Variants in ALKBH8 observed in about 807,000 individuals in gnomAD.
ALKBH8 encodes the protein alkB homolog 8, tRNA methyltransferase.
ALKBH8 carries 36 observed loss-of-function variants against 59.8 expected under a neutral mutation model. The ratio of observed to expected loss-of-function variants is 0.60; its 90% CI spans 0.46 to 0.79. ALKBH8 has a LOEUF of 0.79. Among genes scored for constraint, ALKBH8 ranks in the 30% least tolerant of loss-of-function variants. ALKBH8 has a pLI of 0.00. For missense variants in ALKBH8, 768 were observed against 801.0 expected (o/e 0.96, Z 0.50); for synonymous variants, 276 against 273.6 (o/e 1.01, Z -0.09).
In ALKBH8 at chr11:107,504,966, A is replaced by C. The variant is rs1335869633; in HGVS notation, c.1687T>G (p.Ser563Ala). The C allele has an allele frequency of 3.9e-6, 6 of 1,551,728 alleles. No individual in the cohort carries two copies. Among genetic ancestry groups the C allele is most frequent in the Non-Finnish European group, 5.2e-6 (6 of 1,146,944 alleles). ...SASSVPRIND[S>A]QEGGCNSRQV... Reference sequence around the variant, plus strand: ...CTTGAATTACATCCTCCTTCCTGAGAGTCATTAATGCGGGGGACAGAAGAT... The same window carrying C: ...CTTGAATTACATCCTCCTTCCTGAGCGTCATTAATGCGGGGGACAGAAGAT... The change falls in exon 12 of 12, where the codon TCT becomes GCT. Residue 563 changes from serine (S) to alanine (A), a missense_variant. Physicochemically the swap from Ser to Ala is moderately conservative, Grantham distance 99. Transcript: ENST00000428149.
chr11:107,506,710 T>C (rs1418828763), intron 11 of ALKBH8, among the ~76,000 whole-genome samples: 1 of 152,048 alleles, frequency 6.6e-6, no homozygotes, highest in Non-Finnish European at 1.5e-5. Flanking sequence ...CTACTAAAAA[T>C]ATAATTTGTA....
chr11:107,560,986 T>C, intron 1 of ALKBH8, 87 bp from the exon 2 acceptor site: 1 of 1,219,062 alleles, frequency 8.2e-7, no homozygotes, highest in Non-Finnish European at 1.1e-6. Context: ...TTCTATAGTT[T>C]ATCAATATTT....
In ALKBH8 at chr11:107,522,342, C is replaced by A; in HGVS notation, c.1244G>T (p.Cys415Phe). 12 of 1,551,664 alleles carry A rather than the reference C, an allele frequency of 7.7e-6. No homozygotes were observed. The highest frequency in any genetic ancestry group is 1.0e-5 in the Non-Finnish European group (12 of 1,146,966). Residue 415 changes from cysteine (C) to phenylalanine (F), a missense_variant, in exon 10 of 12, where the codon TGT becomes TTT. Transcript: ENST00000428149. ...PSGSIVADIG[C>F]GNGKYLGINK... is the part of the protein sequence containing the mutation. ...GATGCCAAGATACTTTCCATTACCA[C>A]ATCCAATATCAGCCACTATTGAACC...
At chr11:107,534,336 C>T (rs1216446283) in intron 7 of ALKBH8, among the ~76,000 whole-genome samples, 4 of 152,166 alleles carry the variant, frequency 2.6e-5, no homozygotes, top group African/African-American at 9.6e-5. Flanking sequence ...CCCAGATATC[C>T]AGATGAAAAC....
intron 7 of ALKBH8, among the ~76,000 whole-genome samples, chr11:107,533,538 G>A (rs1863683027): frequency 6.6e-6 from 1 of 152,140 alleles, no homozygotes; most frequent in South Asian, 2.1e-4. Flanking sequence ...TCATGTGATA[G>A]AGTTTAATTT....
intron 10 of ALKBH8, among the ~76,000 whole-genome samples, chr11:107,521,155 C>A (rs1357968510): frequency 4.6e-5 from 7 of 152,090 alleles, no homozygotes; most frequent in Non-Finnish European, 1.0e-4. Context: ...TACCAAGGGA[C>A]TAATATACTT....
chr11:107,535,855 G>A lies in ALKBH8; in HGVS notation c.772-3449C>T, dbSNP rs149888434. On this transcript the variant is annotated intron_variant, in intron 7 of 11. Coordinates refer to ENST00000428149, the MANE Select transcript of ALKBH8 (RefSeq NM_138775.3). ...ACCACTGAGTGAGTGAGGGTACACT[G>A]ACAGCCTAGAGGGTCCTCCAGAACT... Among the ~76,000 whole-genome samples the A allele has an allele frequency of 4.9e-3, 747 of 152,020 alleles. 25 individuals are homozygous for A. The highest frequency in any genetic ancestry group is 0.017 in the East Asian group (87 of 5,144).
chr11:107,524,185 A>G (rs1863253270), intron 9 of ALKBH8, among the ~76,000 whole-genome samples: 1 of 151,944 alleles, frequency 6.6e-6, no homozygotes, highest in African/African-American at 2.4e-5. Context: ...CAGCTTTCCT[A>G]GTAACTAGGA....
At chr11:107,549,918 C>A in intron 6 of ALKBH8, 95 bp from the exon 7 acceptor site, 1 of 852,046 alleles carries the variant, frequency 1.2e-6, no homozygotes, top group Non-Finnish European at 1.8e-6. Context: ...AAGGTGAAAA[C>A]ATTGCTTGGT....
intron 7 of ALKBH8, among the ~76,000 whole-genome samples, chr11:107,540,919 G>T (rs575587010): frequency 6.6e-6 from 1 of 152,138 alleles, no homozygotes; most frequent in Non-Finnish European, 1.5e-5. Flanking sequence ...CATAAATAAT[G>T]TATTTTTACA....
At chr11:107,540,405 G>A (rs1863987958) in intron 7 of ALKBH8, among the ~76,000 whole-genome samples, 1 of 152,102 alleles carries the variant, frequency 6.6e-6, no homozygotes, top group Non-Finnish European at 1.5e-5. Flanking sequence ...GTCTAGCTAA[G>A]CTCAAGTGTA....
chr11:107,532,449 A>T, intron 7 of ALKBH8, 43 bp from the exon 8 acceptor site: 1 of 1,443,210 alleles, frequency 6.9e-7, no homozygotes, highest in Non-Finnish European at 9.7e-7. Flanking sequence ...CCAAAATTTC[A>T]TATACTCCAA....
At chr11:107,506,095 G>C (rs1263058323) in intron 11 of ALKBH8, among the ~76,000 whole-genome samples, 1 of 152,160 alleles carries the variant, frequency 6.6e-6, no homozygotes, top group Non-Finnish European at 1.5e-5. Flanking sequence ...TAGAGAGACA[G>C]ACATTGGAAT....
chr11:107,507,336 A>G (rs888086677), intron 11 of ALKBH8, among the ~76,000 whole-genome samples: 3 of 152,188 alleles, frequency 2.0e-5, no homozygotes, highest in African/African-American at 7.2e-5. Flanking sequence ...ATCTCAGGTT[A>G]TATGTTAAAA....
At position 107,502,739 on chromosome 11, in the gene ALKBH8, T is replaced by C. The variant is rs868655895; in HGVS notation, c.*1919A>G. On this transcript the variant is annotated 3_prime_UTR_variant, in exon 12 of 12. Transcript: ENST00000428149. Reference sequence around the variant, plus strand: ...AGACCAAAAAAAGTCAGTAAGAATATAGATTTTTATTATACAATTAACAAA... The same window carrying C: ...AGACCAAAAAAAGTCAGTAAGAATACAGATTTTTATTATACAATTAACAAA... The C allele has an allele frequency of 2.0e-5, 3 of 152,198 alleles. No homozygotes were observed. The highest frequency in any genetic ancestry group is 2.9e-5 in the Non-Finnish European group (2 of 68,030). The allele number at this position is 152,198 out of a possible 1,614,324, so 9.4% of individuals were successfully genotyped here.
chr11:107,510,138 G>A (rs981961534), intron 11 of ALKBH8, among the ~76,000 whole-genome samples: 14 of 152,032 alleles, frequency 9.2e-5, no homozygotes, highest in Non-Finnish European at 2.9e-5. Flanking sequence ...GACTAAAGAC[G>A]CAGACAGTTT....
intron 10 of ALKBH8, among the ~76,000 whole-genome samples, chr11:107,513,244 A>G (rs1862715152): frequency 6.6e-6 from 1 of 152,232 alleles, no homozygotes; most frequent in Non-Finnish European, 1.5e-5. Flanking sequence ...GGCAAAGGAC[A>G]TGAACAGATA....
rs370098051 is a variant in ALKBH8, at chr11:107,532,374, A to G, written c.804T>C (p.Ile268=). The change falls in exon 8 of 12, where the codon ATT becomes ATC. Residue 268 remains isoleucine, a synonymous_variant. Coordinates refer to ENST00000428149, the MANE Select transcript of ALKBH8 (RefSeq NM_138775.3). ...GACGAGGCAACATAACTGGCACTGCAATGCCATCTGGGTGCTTAAAATCCA... is the reference window on the plus strand; with the variant it reads ...GACGAGGCAACATAACTGGCACTGCGATGCCATCTGGGTGCTTAAAATCCA... ...IVMDFKHPDG[I]AVPVMLPRRS... is the part of the protein sequence containing the mutation. The G allele has an allele frequency of 2.5e-5, 41 of 1,613,736 alleles. No individual in the cohort carries two copies. In the Middle Eastern group the frequency reaches 2.6e-3, roughly 104 times the overall value.
At chr11:107,558,242 T>C (rs1267520944) in intron 2 of ALKBH8, among the ~76,000 whole-genome samples, 1 of 152,162 alleles carries the variant, frequency 6.6e-6, no homozygotes, top group Non-Finnish European at 1.5e-5. Flanking sequence ...AAAAGAATTA[T>C]TATGAAATTG....
Sources: allele counts gnomAD v4.1 joint callset (sites outside exome capture counted in the v4.1 genomes callset), GRCh38; gene constraint gnomAD v4.1.1; transcripts MANE v1.5; gene names NCBI Gene and HGNC (gene_info 2026-07-23, HGNC 2026-07-21).